Variants in NECTIN3 observed in about 807,000 individuals in gnomAD.
NECTIN3 encodes the protein nectin-3.
NECTIN3 carries 8 observed loss-of-function variants against 49.4 expected under a neutral mutation model. The ratio of observed to expected loss-of-function variants is 0.16; its 90% CI spans 0.10 to 0.29. NECTIN3 has a LOEUF of 0.29. NECTIN3 is among the 10% of genes least tolerant of loss of function. NECTIN3 has a pLI of 1.00. For synonymous variants in NECTIN3, 277 were observed against 241.1 expected (o/e 1.15, Z -1.38); for missense variants, 581 against 654.6 (o/e 0.89, Z 1.23).
intron 1 of NECTIN3, among the ~76,000 whole-genome samples, chr3:111,088,179 T>G (rs980633964): frequency 2.0e-5 from 3 of 151,852 alleles, no homozygotes; most frequent in African/African-American, 7.3e-5. Context: ...GGGAGAAGAG[T>G]GAGTTCTCAC....
intron 1 of NECTIN3, among the ~76,000 whole-genome samples, chr3:111,090,640 A>C (rs567241048): frequency 6.8e-6 from 1 of 147,850 alleles, no homozygotes; most frequent in Non-Finnish European, 1.5e-5. Flanking sequence ...TATACAGTAA[A>C]TATTTCTTTT....
intron 7 of NECTIN3, among the ~76,000 whole-genome samples, chr3:111,159,799 A>T (rs2035173710): frequency 6.6e-6 from 1 of 152,178 alleles, no homozygotes; most frequent in Non-Finnish European, 1.5e-5. Context: ...CTTCCTTTCA[A>T]CTTAATTAGC....
chr3:111,177,137 T>C (rs1336402864), intron 7 of NECTIN3, among the ~76,000 whole-genome samples: 1 of 152,172 alleles, frequency 6.6e-6, no homozygotes, highest in Non-Finnish European at 1.5e-5. Context: ...AAATTACTTA[T>C]GGTTATTTCA....
chr3:111,083,633 C>T (rs1238681846), intron 1 of NECTIN3, among the ~76,000 whole-genome samples: 1 of 152,116 alleles, frequency 6.6e-6, no homozygotes, highest in Non-Finnish European at 1.5e-5. Flanking sequence ...TTTGTTAAAG[C>T]AGCCCAAGCC....
rs557922868 is a variant in NECTIN3 at position 111,074,321 on chromosome 3, A to G, written c.160+2144A>G. On this transcript the variant is annotated intron_variant, in intron 1 of 5. Coordinates refer to ENST00000485303, the MANE Select transcript of NECTIN3 (RefSeq NM_015480.3). ...TTAATAGAGTTATAATGATGTTCATAGTACTGCTTACAAGGTTTGGCATGT... is the reference window on the plus strand; with the variant it reads ...TTAATAGAGTTATAATGATGTTCATGGTACTGCTTACAAGGTTTGGCATGT... 9.1e-5 allele frequency: 40 copies of G among 441,446 alleles called. 1 individual carries two copies. Among genetic ancestry groups the G allele is most frequent in the African/African-American group, 4.6e-4 (23 of 49,940 alleles). The allele number at this position is 441,446 out of a possible 1,614,324, so 27.3% of individuals were successfully genotyped here. A position where few individuals can be genotyped will look rare whatever the true frequency, so the allele number is the denominator to read the frequency against.
At position 111,137,053 on chromosome 3, in the gene NECTIN3, C is replaced by G; in HGVS notation, c.*2838C>G. Reference sequence around the variant, plus strand: ...TATACAGGAAAGTTTTATAAGATAACCCACGGCTAAATATTTTGCATTAAG... The same window carrying G: ...TATACAGGAAAGTTTTATAAGATAAGCCACGGCTAAATATTTTGCATTAAG... On this transcript the variant is annotated 3_prime_UTR_variant, in exon 6 of 6. Coordinates refer to ENST00000485303, the MANE Select transcript of NECTIN3 (RefSeq NM_015480.3). 1.0e-6 allele frequency: 1 copy of G among 982,206 alleles called. No individual in the cohort carries two copies. Among genetic ancestry groups the G allele is most frequent in the Non-Finnish European group, 1.2e-6 (1 of 827,306 alleles). The allele number at this position is 982,206 out of a possible 1,614,324, so 60.8% of individuals were successfully genotyped here. A position where few individuals can be genotyped will look rare whatever the true frequency, so the allele number is the denominator to read the frequency against.
At chr3:111,098,639 A>G (rs1199455370) in intron 1 of NECTIN3, among the ~76,000 whole-genome samples, 1 of 152,150 alleles carries the variant, frequency 6.6e-6, no homozygotes, top group African/African-American at 2.4e-5. Context: ...ACTTAATTAC[A>G]TCTTCAGAGA....
chr3:111,149,569 A>G lies in NECTIN3; in HGVS notation c.1221+2085A>G, dbSNP rs546958158. 2.0e-5 allele frequency among the ~76,000 whole-genome samples: 3 copies of G among 151,066 alleles called. No individual in the cohort carries two copies. In the South Asian group the frequency reaches 6.3e-4, roughly 32 times the overall value. ...TGTTAGGTTTACTTTAGGCATTTTG[A>G]TAGTCACTGGGATTTCTCTCCACCC... On this transcript the variant is annotated intron_variant, in intron 7 of 8. Transcript: ENST00000493615.
At chr3:111,151,352 C>G (rs1477798218) in intron 7 of NECTIN3, among the ~76,000 whole-genome samples, 1 of 151,630 alleles carries the variant, frequency 6.6e-6, no homozygotes, top group Non-Finnish European at 1.5e-5. Flanking sequence ...TTATAATATC[C>G]ATATCACAGA....
downstream of NECTIN3, among the ~76,000 whole-genome samples, chr3:111,139,706 C>A (rs1341370355): frequency 6.6e-6 from 1 of 151,710 alleles, no homozygotes; most frequent in Non-Finnish European, 1.5e-5. Flanking sequence ...AACCTCACAT[C>A]TTCTTCTGGT....
chr3:111,177,794 T>C (rs997442589), intron 7 of NECTIN3, among the ~76,000 whole-genome samples: 8 of 152,320 alleles, frequency 5.3e-5, no homozygotes, highest in Admixed American at 4.6e-4. Flanking sequence ...TTATTAGTTA[T>C]GGAAAACAGT....
At chr3:111,074,336 G>A (rs1409445255) in intron 1 of NECTIN3, 1 of 396,622 alleles carries the variant, frequency 2.5e-6, no homozygotes, top group African/African-American at 2.1e-5. Context: ...TGCTTACAAG[G>A]TTTGGCATGT....
intron 7 of NECTIN3, among the ~76,000 whole-genome samples, chr3:111,155,349 G>A (rs2035076226): frequency 6.6e-6 from 1 of 152,146 alleles, no homozygotes; most frequent in Non-Finnish European, 1.5e-5. Context: ...ATTTTTCTTA[G>A]TTGTCATTTT....
Position 111,136,244 on chromosome 3 carries a change from G to A in NECTIN3, c.*2029G>A. The A allele has an allele frequency of 1.0e-6, 1 of 960,540 alleles. No homozygotes were observed. The highest frequency in any genetic ancestry group is 1.2e-6 in the Non-Finnish European group (1 of 807,690). The allele number at this position is 960,540 out of a possible 1,614,324, so 59.5% of individuals were successfully genotyped here. On this transcript the variant is annotated 3_prime_UTR_variant, in exon 6 of 6. Transcript: ENST00000485303. ...TAGGATTCTATATAAATCTCAACTG[G>A]AGTATAATCTGAAGGAAATTAGCAG...
In NECTIN3 at chr3:111,091,359, C is replaced by T. The variant is rs184641468; in HGVS notation, c.160+19182C>T. Among the ~76,000 whole-genome samples, 941 of 152,116 alleles carry T rather than the reference C, an allele frequency of 6.2e-3. 4 individuals are homozygous for T. Among genetic ancestry groups the T allele is most frequent in the Non-Finnish European group, 8.0e-3 (545 of 67,960 alleles). ...CAAGCTCCGCCTCCCAGGTTCACGC[C>T]ATCTCCTGCCTCAGCCTCCCGAGTA... is the stretch of plus-strand genomic sequence containing the variant. On this transcript the variant is annotated intron_variant, in intron 1 of 5. Coordinates refer to ENST00000485303, the MANE Select transcript of NECTIN3 (RefSeq NM_015480.3).
At chr3:111,072,649 A>G in intron 1 of NECTIN3, 1 of 1,420,730 alleles carries the variant, frequency 7.0e-7, no homozygotes, top group Non-Finnish European at 9.5e-7. Flanking sequence ...CACCCTGGAG[A>G]AGGCACCATT....
At chr3:111,073,882 A>G (rs1397944570) in intron 1 of NECTIN3, among the ~76,000 whole-genome samples, 1 of 152,234 alleles carries the variant, frequency 6.6e-6, no homozygotes, top group African/African-American at 2.4e-5. Flanking sequence ...TTTTTGAAGG[A>G]ACACATTGGT....
chr3:111,100,085 C>T (rs1366736457), intron 1 of NECTIN3, among the ~76,000 whole-genome samples: 1 of 152,022 alleles, frequency 6.6e-6, no homozygotes, highest in Non-Finnish European at 1.5e-5. Flanking sequence ...AAGTCTCATT[C>T]TTAGACCTTA....
intron 7 of NECTIN3, among the ~76,000 whole-genome samples, chr3:111,173,607 T>C (rs1466640230): frequency 6.6e-5 from 10 of 152,148 alleles, no homozygotes; most frequent in African/African-American, 2.2e-4. Flanking sequence ...TGGTATTCCT[T>C]TCTCCTTCTA....
Sources: gnomAD v4.1 joint callset for allele counts (sites outside exome capture counted in the v4.1 genomes callset) on GRCh38, gnomAD v4.1.1 for gene constraint, MANE v1.5 for transcripts, NCBI Gene and HGNC (gene_info 2026-07-23, HGNC 2026-07-21) for gene names.